SLC14A2: variants seen among roughly 807,000 people sequenced by gnomAD.
SLC14A2 encodes the protein urea transporter 2.
Under a neutral mutation model 104.6 loss-of-function variants are expected in SLC14A2, and 91 were observed. The observed-to-expected ratio is 0.87, with a 90% CI of 0.73 to 1.04. SLC14A2 has a LOEUF of 1.04. Among genes scored for constraint, SLC14A2 ranks in the 50% least tolerant of loss-of-function variants. The probability of loss-of-function intolerance (pLI) is 0.00; values close to 1 mark genes in which losing one functional copy is unlikely to be tolerated. For missense variants in SLC14A2, 1,189 were observed against 1,156.0 expected (o/e 1.03, Z -0.41); for synonymous variants, 476 against 466.4 (o/e 1.02, Z -0.27).
chr18:45,657,046 C>T, intron 10 of SLC14A2, among the ~76,000 whole-genome samples: 1 of 152,208 alleles, frequency 6.6e-6, no homozygotes, highest in East Asian at 1.9e-4. Flanking sequence ...CTCTCATCCA[C>T]CTCCCAGTCC....
chr18:45,273,054 A>AT (rs920809264), intron 1 of SLC14A2, among the ~76,000 whole-genome samples: 25 of 152,060 alleles, frequency 1.6e-4, no homozygotes, highest in Middle Eastern at 3.4e-3. Context: ...CTAAAGCATG[A>AT]TTTTTTTTCA....
chr18:45,264,937 T>C (rs2084576825), intron 1 of SLC14A2, among the ~76,000 whole-genome samples: 1 of 152,154 alleles, frequency 6.6e-6, no homozygotes, highest in Admixed American at 6.6e-5. Context: ...TGGAGGGTTA[T>C]GTTCTAGAAA....
chr18:45,536,595 A>G (rs1319692802), intron 2 of SLC14A2, among the ~76,000 whole-genome samples: 1 of 152,186 alleles, frequency 6.6e-6, no homozygotes, highest in Non-Finnish European at 1.5e-5. Flanking sequence ...GCTCTTCTCC[A>G]GTATGATCTC....
chr18:45,624,931 G>A, intron 2 of SLC14A2, 117 bp downstream of exon 2: 1 of 1,030,072 alleles, frequency 9.7e-7, no homozygotes, highest in Admixed American at 2.3e-5. Flanking sequence ...AAGTGCCACT[G>A]TCAGTACATG....
rs907369359 is a variant in SLC14A2 at position 45,417,827 on chromosome 18, T to C, written c.-124-65406T>C. 2.0e-5 allele frequency among the ~76,000 whole-genome samples: 3 copies of C among 152,212 alleles called. No individual in the cohort carries two copies. In the East Asian group the frequency reaches 5.8e-4, roughly 29 times the overall value. On this transcript the variant is annotated intron_variant, in intron 1 of 20. Transcript: ENST00000586448. Reference sequence around the variant, plus strand: ...AATTTCAGAAATCAGTAAATAATATTTTTTAAAGAATGCATTCAAGGAGGA... The same window carrying C: ...AATTTCAGAAATCAGTAAATAATATCTTTTAAAGAATGCATTCAAGGAGGA...
chr18:45,248,713 C>G (rs528756972), intron 1 of SLC14A2, among the ~76,000 whole-genome samples: 1 of 152,202 alleles, frequency 6.6e-6, no homozygotes, highest in Non-Finnish European at 1.5e-5. Context: ...CCAATTTTAG[C>G]TCCTGTGACT....
intron 1 of SLC14A2, among the ~76,000 whole-genome samples, chr18:45,271,903 A>T (rs1208365898): frequency 1.3e-5 from 2 of 152,182 alleles, no homozygotes; most frequent in African/African-American, 4.8e-5. Context: ...AAATTATACT[A>T]CAGAGCTATA....
intron 2 of SLC14A2, among the ~76,000 whole-genome samples, chr18:45,554,237 A>G (rs1032906920): frequency 6.6e-6 from 1 of 152,192 alleles, no homozygotes; most frequent in African/African-American, 2.4e-5. Flanking sequence ...GTAATTTACA[A>G]GAGTCAGCAA....
At chr18:45,504,114 C>A (rs1052858100) in intron 2 of SLC14A2, among the ~76,000 whole-genome samples, 1 of 152,168 alleles carries the variant, frequency 6.6e-6, no homozygotes, top group African/African-American at 2.4e-5. Flanking sequence ...CTGGAATGTT[C>A]CAATAGTTCC....
intron 15 of SLC14A2, 63 bp from the exon 16 acceptor site, chr18:45,669,243 G>A: frequency 7.2e-7 from 1 of 1,387,920 alleles, no homozygotes; most frequent in East Asian, 2.3e-5. Context: ...CCCCACTGCA[G>A]CACAGTCTAG....
At chr18:45,645,180 T>C (rs962134387) in intron 10 of SLC14A2, among the ~76,000 whole-genome samples, 17 of 152,238 alleles carry the variant, frequency 1.1e-4, no homozygotes, top group African/African-American at 3.9e-4. Context: ...TCCATGTCCC[T>C]GCAAAGGATA....
rs933655450 is a variant in SLC14A2 at position 45,600,383 on chromosome 18, C to T, written c.-34-24248C>T. ...CTGGCCACCAGGTCCCCCCAACACACACACCAGCCATCAGACTGACCTGCT... is the reference window on the plus strand; with the variant it reads ...CTGGCCACCAGGTCCCCCCAACACATACACCAGCCATCAGACTGACCTGCT... On this transcript the variant is annotated intron_variant, in intron 2 of 20. Coordinates refer to the SLC14A2 transcript ENST00000586448. Among the ~76,000 whole-genome samples the T allele has an allele frequency of 1.4e-4, 21 of 152,266 alleles. No individual in the cohort carries two copies. The East Asian group carries it at 4.1e-3, about 29-fold the overall frequency.
At chr18:45,469,308 A>G (rs148469901) in intron 1 of SLC14A2, among the ~76,000 whole-genome samples, 1 of 152,264 alleles carries the variant, frequency 6.6e-6, no homozygotes, top group African/African-American at 2.4e-5. Context: ...ATCATAAAGG[A>G]AAGGGAACCC....
At position 45,639,803 on chromosome 18, in the gene SLC14A2, A is replaced by T. The variant is rs774009140; in HGVS notation, c.901A>T (p.Thr301Ser). 7.4e-6 allele frequency: 12 copies of T among 1,613,884 alleles called. No homozygotes were observed. In the East Asian group the frequency reaches 2.0e-4, roughly 27 times the overall value. The stretch of plus-strand genomic sequence containing the variant: ...GGTGTATGGCTGTGACAATCCCTGG[A>T]CAGGCGGCGTGTTCCTGGTGGCTCT... ...GQVYGCDNPW[T>S]GGVFLVALFI... The change falls in exon 7 of 20, where the codon ACA (threonine) becomes TCA (serine). Residue 301 changes from threonine (T) to serine (S), a missense_variant. Coordinates refer to ENST00000255226, the MANE Select transcript of SLC14A2 (RefSeq NM_007163.4).
At chr18:45,191,366 G>A in the SLC14A2 span, among the ~76,000 whole-genome samples, 2 of 152,152 alleles carry the variant, frequency 1.3e-5, no homozygotes, top group African/African-American at 2.4e-5. Flanking sequence ...CTGAATCAGA[G>A]AGACATGATT....
At chr18:45,531,462 AT>A (rs1320992104) in intron 2 of SLC14A2, among the ~76,000 whole-genome samples, 1 of 152,036 alleles carries the variant, frequency 6.6e-6, no homozygotes, top group Admixed American at 6.6e-5. Context: ...GATGATGAAC[AT>A]TTTTTCATGT....
chr18:45,249,147 C>T (rs1012205409), intron 1 of SLC14A2, among the ~76,000 whole-genome samples: 8 of 152,006 alleles, frequency 5.3e-5, no homozygotes, highest in African/African-American at 7.2e-5. Flanking sequence ...TGGGAGCAAC[C>T]GATAACTCCA....
intron 1 of SLC14A2, among the ~76,000 whole-genome samples, chr18:45,291,907 A>T (rs886263680): frequency 6.6e-6 from 1 of 152,176 alleles, no homozygotes; most frequent in African/African-American, 2.4e-5. Context: ...CTCCTCCCAG[A>T]TAATTCAGGA....
chr18:45,657,414 G>A (rs749815838), intron 10 of SLC14A2, among the ~76,000 whole-genome samples: 1 of 151,284 alleles, frequency 6.6e-6, no homozygotes, highest in Non-Finnish European at 1.5e-5. Context: ...TTGAACTCTG[G>A]AGGCGGAGGT....
Sources: allele counts gnomAD v4.1 joint callset (sites outside exome capture counted in the v4.1 genomes callset), GRCh38; gene constraint gnomAD v4.1.1; transcripts MANE v1.5; gene names NCBI Gene and HGNC (gene_info 2026-07-23, HGNC 2026-07-21).